Variants in RCBTB1 observed in about 807,000 individuals in gnomAD.
RCBTB1 encodes the protein RCC1 and BTB domain containing protein 1.
A neutral mutation model predicts 62.4 loss-of-function variants in RCBTB1; 46 were observed. The ratio of observed to expected loss-of-function variants is 0.74; its 90% confidence interval spans 0.58 to 0.94. The LOEUF is 0.94. RCBTB1 is among the 40% of genes least tolerant of loss of function. The probability of loss-of-function intolerance (pLI) is 0.00; values close to 1 mark genes in which losing one functional copy is unlikely to be tolerated. For synonymous variants in RCBTB1, 222 were observed against 245.8 expected, an observed-to-expected ratio of 0.90 and a Z score of 0.91; for missense variants, 565 against 654.9, an observed-to-expected ratio of 0.86 and a Z score of 1.50.
intron 12 of RCBTB1, among the ~76,000 whole-genome samples, chr13:49,538,307 T>C (rs139582953): frequency 1.3e-4 from 20 of 152,366 alleles, no homozygotes; most frequent in African/African-American, 4.3e-4. Context: ...ATTTTAATTT[T>C]GTACTCCAGA....
chr13:49,561,676 T>G (rs1037972664), intron 4 of RCBTB1, among the ~76,000 whole-genome samples: 16 of 152,132 alleles, frequency 1.1e-4, no homozygotes, highest in Non-Finnish European at 1.6e-4. Context: ...AAGCTTAAAG[T>G]TACTTTCTGG....
intron 4 of RCBTB1, among the ~76,000 whole-genome samples, chr13:49,564,805 G>A (rs935194170): frequency 3.3e-5 from 5 of 151,132 alleles, no homozygotes; most frequent in Admixed American, 6.6e-5. Context: ...GCAGGAGAAT[G>A]GCGTGAACCC....
At chr13:49,567,762 G>C (rs7332926) in intron 2 of RCBTB1, among the ~76,000 whole-genome samples, 36,409 of 151,834 alleles carry the variant, frequency 0.24, 5,935 homozygotes, top group African/African-American at 0.47. Context: ...GCACCAACTT[G>C]GATGACAAGG....
intron 4 of RCBTB1, among the ~76,000 whole-genome samples, chr13:49,564,657 T>C (rs1472617214): frequency 3.5e-5 from 5 of 144,256 alleles, no homozygotes; most frequent in South Asian, 2.2e-4. Context: ...TTTGGGAGGC[T>C]GAGGTGGGCG....
intron 12 of RCBTB1, among the ~76,000 whole-genome samples, chr13:49,534,773 C>T (rs975220652): frequency 6.6e-6 from 1 of 152,232 alleles, no homozygotes; most frequent in Admixed American, 6.5e-5. Context: ...GTGGCTCACG[C>T]CTGTAATCCC....
chr13:49,579,535 A>C (rs1330449570), intron 2 of RCBTB1, among the ~76,000 whole-genome samples: 1 of 151,936 alleles, frequency 6.6e-6, no homozygotes, highest in Non-Finnish European at 1.5e-5. Context: ...GAGGCAGGAG[A>C]ATGGCGTGAG....
At chr13:49,568,903 T>TG (rs1963210296) in intron 2 of RCBTB1, among the ~76,000 whole-genome samples, 1 of 152,088 alleles carries the variant, frequency 6.6e-6, no homozygotes, top group Non-Finnish European at 1.5e-5. Context: ...AACTCCAGCC[T>TG]GGTGACAGAG....
At chr13:49,559,573 G>A (rs546882890) in intron 5 of RCBTB1, among the ~76,000 whole-genome samples, 30 of 148,418 alleles carry the variant, frequency 2.0e-4, no homozygotes, top group African/African-American at 6.8e-4. Flanking sequence ...GGAAAATGGC[G>A]TAAACCCGGG....
At chr13:49,577,528 T>C (rs1963856723) in intron 2 of RCBTB1, among the ~76,000 whole-genome samples, 1 of 45,416 alleles carries the variant, frequency 2.2e-5, no homozygotes, top group African/African-American at 1.1e-4. Context: ...CTAGTTTAAA[T>C]TGCTGTTATG....
chr13:49,566,867 T>G, intron 3 of RCBTB1, 99 bp from the exon 4 acceptor site: 1 of 1,171,726 alleles, frequency 8.5e-7, no homozygotes, highest in South Asian at 1.6e-5. Context: ...ACTACAGAGC[T>G]CAGGAGGTGA....
intron 4 of RCBTB1, among the ~76,000 whole-genome samples, chr13:49,565,803 G>A (rs1304646610): frequency 6.6e-6 from 1 of 152,150 alleles, no homozygotes; most frequent in African/African-American, 2.4e-5. Flanking sequence ...GATGACGATG[G>A]CGGTTTCGTC....
Position 49,541,717 on chromosome 13 carries a change from A to G in RCBTB1, c.1283T>C (p.Leu428Pro). 1 of 1,614,006 alleles carries G rather than the reference A, an allele frequency of 6.2e-7. No individual in the cohort carries two copies. Among genetic ancestry groups the G allele is most frequent in the Non-Finnish European group, 8.5e-7 (1 of 1,179,984 alleles). Residue 428 changes from leucine to proline, a missense_variant, in exon 11 of 13, where the codon CTC becomes CCC. By Grantham distance (98) the Leu-to-Pro change is moderately conservative (BLOSUM62 -3). Coordinates refer to ENST00000378302, the MANE Select transcript of RCBTB1 (RefSeq NM_018191.4). ...CGGCAGGTCGACTGTGTCTGTGTAG[A>G]GGTACTGGAGAAAGGCACGATACAC... Reference protein sequence around the residue: ...YPVYRAFLQYLYTDTVDLPPE... With the variant: ...YPVYRAFLQYPYTDTVDLPPE...
chr13:49,547,469 A>G (rs1166194618), intron 9 of RCBTB1, among the ~76,000 whole-genome samples: 1 of 152,240 alleles, frequency 6.6e-6, no homozygotes, highest in Non-Finnish European at 1.5e-5. Context: ...CCCTCTGCTT[A>G]TAAATAAAAC....
At chr13:49,562,514 CA>C (rs55875979) in intron 4 of RCBTB1, among the ~76,000 whole-genome samples, 61,654 of 115,262 alleles carry the variant, frequency 0.53, 15,990 homozygotes, top group Admixed American at 0.63. Context: ...GACCCTGTCT[CA>C]AAAAAAAAAA....
At chr13:49,559,763 G>GT (rs1444802127) in intron 5 of RCBTB1, among the ~76,000 whole-genome samples, 155 bp downstream of exon 5, 1 of 151,854 alleles carries the variant, frequency 6.6e-6, no homozygotes, top group African/African-American at 2.4e-5. Flanking sequence ...AAACAGTTCT[G>GT]TGGGTGCATG....
At chr13:49,538,898 T>C (rs1960130114) in intron 12 of RCBTB1, among the ~76,000 whole-genome samples, 1 of 151,632 alleles carries the variant, frequency 6.6e-6, no homozygotes, top group African/African-American at 2.4e-5. Flanking sequence ...CTTTTTTTTT[T>C]TTTTTGAGAC....
intron 2 of RCBTB1, among the ~76,000 whole-genome samples, chr13:49,568,181 A>G (rs1213034881): frequency 6.6e-6 from 1 of 152,208 alleles, no homozygotes; most frequent in African/African-American, 2.4e-5. Context: ...TTCCCTACTT[A>G]ACAGTACATC....
intron 1 of RCBTB1, among the ~76,000 whole-genome samples, chr13:49,581,466 A>G (rs756922151): frequency 6.6e-6 from 1 of 152,224 alleles, no homozygotes; most frequent in Non-Finnish European, 1.5e-5. Flanking sequence ...GAGTCCTACT[A>G]TGGACATTTG....
chr13:49,559,778 T>C, intron 5 of RCBTB1, 140 bp downstream of exon 5: 1 of 691,490 alleles, frequency 1.4e-6, no homozygotes, highest in Non-Finnish European at 2.3e-6. Context: ...TGCATGCTGG[T>C]GACAGTTGTA....
Sources: gnomAD v4.1 joint callset for allele counts (sites outside exome capture counted in the v4.1 genomes callset) on GRCh38, gnomAD v4.1.1 for gene constraint, MANE v1.5 for transcripts, NCBI Gene and HGNC (gene_info 2026-07-23, HGNC 2026-07-21) for gene names.